PRKN: variants seen among roughly 807,000 people sequenced by gnomAD.
The protein encoded by PRKN is E3 ubiquitin-protein ligase parkin.
A neutral mutation model predicts 59.5 loss-of-function variants in PRKN; 56 were observed. That is an observed-to-expected ratio of 0.94 (90% confidence interval 0.76 to 1.18). The LOEUF (loss-of-function observed/expected upper bound fraction) is 1.18, where lower values mean the gene tolerates loss of function less well. Among genes scored for constraint, PRKN ranks in the 50% most tolerant of loss-of-function variants. The pLI, the probability that PRKN is intolerant of heterozygous loss-of-function variation, is 0.00. For synonymous variants in PRKN, 250 were observed against 222.1 expected (o/e 1.13, Z -1.12); for missense variants, 657 against 596.4 (o/e 1.10, Z -1.06).
intron 4 of PRKN, 50 bp downstream of exon 4, chr6:162,201,081 G>A (rs1477541749): frequency 6.4e-7 from 1 of 1,569,796 alleles, no homozygotes; most frequent in Non-Finnish European, 8.8e-7. Context: ...CAATGTGTTA[G>A]TACACATTCA....
At chr6:161,790,290 T>G (rs1345454583) in intron 6 of PRKN, among the ~76,000 whole-genome samples, 1 of 152,066 alleles carries the variant, frequency 6.6e-6, no homozygotes, top group African/African-American at 2.4e-5. Context: ...GGTGGGCTGA[T>G]CAAAAAGATG....
At chr6:161,619,174 T>C (rs1052886276) in intron 7 of PRKN, among the ~76,000 whole-genome samples, 3 of 146,804 alleles carry the variant, frequency 2.0e-5, no homozygotes, top group Non-Finnish European at 3.0e-5. Flanking sequence ...TTCACAGACA[T>C]ATGGTCACCG....
rs371021010 is a variant in PRKN, at chr6:162,656,972, G to A, written c.7+70690C>T. On this transcript the variant is annotated intron_variant, in intron 1 of 11. Transcript: ENST00000366898. ...ACATCTACTTTCAGAACTCAGCTAC[G>A]CTGTCCCAGGACTTCTACTTTACAG... 3.9e-5 allele frequency among the ~76,000 whole-genome samples: 6 copies of A among 152,284 alleles called. No individual in the cohort carries two copies. The East Asian group carries it at 9.6e-4, about 24-fold the overall frequency.
chr6:162,021,459 ATATTTTTTT>A (rs1179935959), intron 5 of PRKN, among the ~76,000 whole-genome samples: 742 of 33,886 alleles, frequency 0.022, 5 homozygotes, highest in Non-Finnish European at 0.026. Flanking sequence ...ATATATATAT[ATATTTTTTT>A]TTTTTTTTTC....
At chr6:162,551,916 C>T (rs1214813697) in intron 1 of PRKN, among the ~76,000 whole-genome samples, 2 of 152,078 alleles carry the variant, frequency 1.3e-5, no homozygotes, top group African/African-American at 4.8e-5. Flanking sequence ...ACAGGTAATA[C>T]AGAAGCAAAT....
At chr6:161,658,937 C>G (rs544956687) in intron 7 of PRKN, among the ~76,000 whole-genome samples, 28 of 152,322 alleles carry the variant, frequency 1.8e-4, no homozygotes, top group African/African-American at 5.8e-4. Flanking sequence ...TCTGAACCTG[C>G]TTCAGAGGGC....
intron 1 of PRKN, among the ~76,000 whole-genome samples, chr6:162,480,050 G>A (rs1198709949): frequency 7.2e-6 from 1 of 139,690 alleles, no homozygotes; most frequent in Non-Finnish European, 1.6e-5. Context: ...GGGTGAGAGA[G>A]CAAGATTTTG....
Position 161,402,263 on chromosome 6 carries a change from T to C in PRKN, c.1084-15386A>G, listed in dbSNP as rs1019161083. ...GCAACATGCACACCTTGCAGTGTCT[T>C]ATGAAATTATAAAATAAAACCCAGA... On this transcript the variant is annotated intron_variant, in intron 9 of 11. Coordinates refer to ENST00000366898, the MANE Select transcript of PRKN (RefSeq NM_004562.3). This position sits in a 1 kb window ranked among gnomAD's most constrained non-coding sequence, Gnocchi z 4.5. Among the ~76,000 whole-genome samples the C allele has an allele frequency of 6.6e-6, 1 of 152,162 alleles. No homozygotes were observed. The highest frequency in any genetic ancestry group is 2.4e-5 in the African/African-American group (1 of 41,424).
intron 7 of PRKN, among the ~76,000 whole-genome samples, chr6:161,717,766 A>G (rs1016084076): frequency 8.5e-5 from 13 of 152,192 alleles, no homozygotes; most frequent in African/African-American, 3.1e-4. Flanking sequence ...CTTCTAAGAG[A>G]GGAAGGGGGT....
intron 3 of PRKN, among the ~76,000 whole-genome samples, chr6:162,238,841 C>T (rs1778857516): frequency 6.6e-6 from 1 of 152,148 alleles, no homozygotes; most frequent in Non-Finnish European, 1.5e-5. Context: ...CAGCAAGGCA[C>T]GTGGAGCAGG....
intron 1 of PRKN, among the ~76,000 whole-genome samples, chr6:162,472,804 T>TTATATATATATATATATATATATATA (rs1290741228): frequency 1.6e-4 from 15 of 93,938 alleles, no homozygotes; most frequent in Admixed American, 2.3e-4. Context: ...AACTTTTATT[T>TTATATATATATATATATATATATATA]TATATATATA....
chr6:161,500,278 A>G (rs1206561940), intron 9 of PRKN, among the ~76,000 whole-genome samples: 10 of 152,050 alleles, frequency 6.6e-5, no homozygotes, highest in Admixed American at 6.6e-4. Flanking sequence ...AGAGTGGTAC[A>G]TTTGTTATAA....
intron 1 of PRKN, among the ~76,000 whole-genome samples, chr6:162,714,879 CA>C (rs1004199421): frequency 1.3e-5 from 2 of 152,062 alleles, no homozygotes; most frequent in Non-Finnish European, 2.9e-5. Flanking sequence ...CTACTTCTTC[CA>C]AAATTCAAAT....
At chr6:162,522,374 T>C (rs1778113364) in intron 1 of PRKN, among the ~76,000 whole-genome samples, 1 of 152,244 alleles carries the variant, frequency 6.6e-6, no homozygotes, top group Non-Finnish European at 1.5e-5. Flanking sequence ...TTCGCCCGCC[T>C]CGGCCTCCCA....
At chr6:161,995,144 C>T (rs1781794746) in intron 5 of PRKN, among the ~76,000 whole-genome samples, 1 of 152,094 alleles carries the variant, frequency 6.6e-6, no homozygotes, top group Admixed American at 6.6e-5. Context: ...AGTGTATTTA[C>T]AGCCAACCAT....
chr6:162,364,013 T>C (rs1378009745), intron 2 of PRKN, among the ~76,000 whole-genome samples: 1 of 152,198 alleles, frequency 6.6e-6, no homozygotes, highest in East Asian at 1.9e-4. Context: ...CTTCATTCCC[T>C]GCACACAAGC....
chr6:162,647,949 C>CAAAAAAAAA lies in PRKN; in HGVS notation c.7+79704_7+79712dup, dbSNP rs398003250. Among the ~76,000 whole-genome samples, 434 of 75,616 alleles carry CAAAAAAAAA rather than the reference C, an allele frequency of 5.7e-3. 102 individuals are homozygous for CAAAAAAAAA. The highest frequency in any genetic ancestry group is 6.1e-3 in the Non-Finnish European group (256 of 42,090). The allele number at this position is 75,616 out of a possible 152,430, so 49.6% of individuals were successfully genotyped here. On this transcript the variant is annotated intron_variant, in intron 1 of 11. Transcript: ENST00000366898. ...GAACCATCTCTATATGTCCACAGTGCAAAAAAAAAAAAAAAAAAAAAAAAA... is the reference window on the plus strand; with the variant it reads ...GAACCATCTCTATATGTCCACAGTGCAAAAAAAAAAAAAAAAAAAAAAAAAAAAAAAAAA...
chr6:161,368,820 T>C (rs957515581), intron 10 of PRKN, among the ~76,000 whole-genome samples: 5 of 152,184 alleles, frequency 3.3e-5, no homozygotes, highest in Non-Finnish European at 5.9e-5. Flanking sequence ...AGGCCACGGC[T>C]GCCAAAGCTC....
chr6:161,767,241 C>A (rs1411851674), intron 7 of PRKN, among the ~76,000 whole-genome samples: 1 of 152,160 alleles, frequency 6.6e-6, no homozygotes, highest in Non-Finnish European at 1.5e-5. Context: ...GGGCCGGGCA[C>A]GGTGGCTCAT....
Sources: allele counts gnomAD v4.1 joint callset (sites outside exome capture counted in the v4.1 genomes callset), GRCh38; gene constraint gnomAD v4.1.1; non-coding constraint Gnocchi (gnomAD v3.1); transcripts MANE v1.5; gene names NCBI Gene and HGNC (gene_info 2026-07-23, HGNC 2026-07-21).